BTG4: variants seen among roughly 807,000 people sequenced by gnomAD.
BTG4 encodes BTG anti-proliferation factor 4.
In BTG4, 10 loss-of-function variants were observed where a neutral mutation model predicts 19.3. The observed-to-expected ratio is 0.52, with a 90% confidence interval of 0.32 to 0.88. BTG4 has a LOEUF of 0.88. Ranked by LOEUF, BTG4 falls within the 40% of genes least tolerant of loss-of-function variation. The pLI, the probability that BTG4 is intolerant of heterozygous loss-of-function variation, is 0.04. For synonymous variants in BTG4, 91 were observed against 95.7 expected (o/e 0.95, Z 0.29); for missense variants, 238 against 281.9 (o/e 0.84, Z 1.11).
chr11:111,488,885 A>T (rs1412182982), intron 5 of BTG4, among the ~76,000 whole-genome samples: 1 of 152,024 alleles, frequency 6.6e-6, no homozygotes, highest in Non-Finnish European at 1.5e-5. Flanking sequence ...GTGGCTCAAG[A>T]CTGTAATCCC....
chr11:111,394,342 A>G, the BTG4 span, among the ~76,000 whole-genome samples: 162 of 152,052 alleles, frequency 1.1e-3, no homozygotes, highest in African/African-American at 3.9e-3. Context: ...TGTGGGAGGG[A>G]CCCCATGGGA....
chr11:111,509,921 T>A (rs1476994324), intron 1 of BTG4, among the ~76,000 whole-genome samples: 1 of 144,498 alleles, frequency 6.9e-6, no homozygotes, highest in Non-Finnish European at 1.5e-5. Flanking sequence ...CTTTTTTTTT[T>A]TTTTTTTTGA....
chr11:111,426,651 G>T, the BTG4 span, among the ~76,000 whole-genome samples: 1 of 152,096 alleles, frequency 6.6e-6, no homozygotes, highest in Non-Finnish European at 1.5e-5. Context: ...GCCCAGGCCG[G>T]CCTGAATTCC....
At chr11:111,405,270 G>A in the BTG4 span, among the ~76,000 whole-genome samples, 2 of 152,086 alleles carry the variant, frequency 1.3e-5, no homozygotes, top group African/African-American at 2.4e-5. Flanking sequence ...CAGGCCTGGT[G>A]GTGGGCACCT....
chr11:111,405,403 T>TCAAAA, the BTG4 span, among the ~76,000 whole-genome samples: 1 of 8,656 alleles, frequency 1.2e-4, no homozygotes, highest in Non-Finnish European at 1.8e-4. Context: ...AGACTCCGTC[T>TCAAAA]CAAAAAAAAA....
chr11:111,468,977 G>A (rs1424131662), intron 5 of BTG4, among the ~76,000 whole-genome samples: 2 of 152,214 alleles, frequency 1.3e-5, no homozygotes, highest in African/African-American at 4.8e-5. Context: ...GTAAGATGGA[G>A]GCAGTAGGAA....
chr11:111,439,913 A>AT, the BTG4 span, among the ~76,000 whole-genome samples: 2 of 152,208 alleles, frequency 1.3e-5, no homozygotes, highest in Non-Finnish European at 2.9e-5. Context: ...GGTGGCCTGA[A>AT]TAGGGGTGCC....
At chr11:111,514,722 G>A (rs1348122103), upstream of BTG4, 3 of 1,352,300 alleles carry the variant, frequency 2.2e-6, no homozygotes, top group African/African-American at 4.3e-5. Context: ...GTTCTCGGAG[G>A]GGCGGGGCAG....
chr11:111,468,162 G>T (rs569615371), intron 5 of BTG4, among the ~76,000 whole-genome samples: 6 of 152,346 alleles, frequency 3.9e-5, no homozygotes, highest in Middle Eastern at 3.4e-3. Context: ...TGACTAGTAG[G>T]TTGTTGGGGG....
Position 111,497,358 on chromosome 11 carries a change from C to A in BTG4, c.363G>T (p.Trp121Cys). The stretch of plus-strand genomic sequence containing the variant: ...TTTGTTGATATAGTTCCCATTCCTC[C>A]CATCTGCCTTTAAAAGAAGCAACTG... ...PFTVASFKGR[W>C]EEWELYQQIS... Residue 121 changes from tryptophan to cysteine, a missense_variant, in exon 4 of 5, where the codon TGG becomes TGT. Coordinates refer to ENST00000692032, the MANE Select transcript of BTG4 (RefSeq NM_001367975.1). 6.9e-7 allele frequency: 1 copy of A among 1,439,200 alleles called. No homozygotes were observed. Among genetic ancestry groups the A allele is most frequent in the Middle Eastern group, 1.8e-4 (1 of 5,412 alleles). 89.2% of individuals were successfully genotyped at this position (1,439,200 alleles called of 1,614,324 possible).
At chr11:111,490,875 G>A (rs1865374345), downstream of BTG4, among the ~76,000 whole-genome samples, 1 of 152,138 alleles carries the variant, frequency 6.6e-6, no homozygotes, top group African/African-American at 2.4e-5. Flanking sequence ...CCCATTAATT[G>A]CACTCATATG....
At chr11:111,493,623 A>G (rs1865550243), downstream of BTG4, among the ~76,000 whole-genome samples, 1 of 152,200 alleles carries the variant, frequency 6.6e-6, no homozygotes, top group Admixed American at 6.5e-5. Flanking sequence ...CTGAGGGGCC[A>G]GTAAACTAGT....
At chr11:111,399,044 G>A in the BTG4 span, 1 of 152,310 alleles carries the variant, frequency 6.6e-6, no homozygotes, top group East Asian at 1.9e-4. Flanking sequence ...AGACCAAGAG[G>A]GATATGTGGA....
chr11:111,459,203 T>C, the BTG4 span, among the ~76,000 whole-genome samples: 1 of 152,132 alleles, frequency 6.6e-6, no homozygotes, highest in Non-Finnish European at 1.5e-5. Flanking sequence ...GATCACATCA[T>C]TGTACTCCAG....
the BTG4 span, chr11:111,455,915 G>A: frequency 2.3e-6 from 1 of 428,746 alleles, no homozygotes; most frequent in South Asian, 1.6e-5. Flanking sequence ...GGCCCCCCAG[G>A]AAACCTGGCC....
At chr11:111,504,954 T>A (rs770423082) in intron 1 of BTG4, among the ~76,000 whole-genome samples, 3 of 152,016 alleles carry the variant, frequency 2.0e-5, no homozygotes, top group Non-Finnish European at 4.4e-5. Flanking sequence ...AAAACACTGA[T>A]GAAAGAAATT....
chr11:111,424,581 T>C, the BTG4 span, among the ~76,000 whole-genome samples: 6 of 152,244 alleles, frequency 3.9e-5, no homozygotes, highest in Admixed American at 3.9e-4. Context: ...TTCATCATCA[T>C]TAAGTGGTAA....
At chr11:111,470,597 TTGATAA>T (rs1391760555) in intron 5 of BTG4, among the ~76,000 whole-genome samples, 1 of 152,160 alleles carries the variant, frequency 6.6e-6, no homozygotes, top group Admixed American at 6.5e-5. Flanking sequence ...CTGTGCAAGC[TTGATAA>T]TGATATTCTT....
the BTG4 span, among the ~76,000 whole-genome samples, chr11:111,420,921 G>A: frequency 5.9e-5 from 9 of 152,174 alleles, no homozygotes; most frequent in Admixed American, 3.9e-4. Flanking sequence ...AGTACATGAT[G>A]GAACACAATC....
Sources: gnomAD v4.1 joint callset for allele counts (sites outside exome capture counted in the v4.1 genomes callset) on GRCh38, gnomAD v4.1.1 for gene constraint, MANE v1.5 for transcripts, NCBI Gene and HGNC (gene_info 2026-07-23, HGNC 2026-07-21) for gene names.